Variants in MGMT observed in about 807,000 individuals in gnomAD.
MGMT encodes methylated-DNA--protein-cysteine methyltransferase.
Under a neutral mutation model 15.9 loss-of-function variants are expected in MGMT, and 14 were observed. The ratio of observed to expected loss-of-function variants is 0.88; its 90% CI spans 0.58 to 1.37. MGMT has a LOEUF of 1.37. Ranked by LOEUF, MGMT falls within the 40% of genes most tolerant of loss-of-function variation. The pLI is 0.00. For missense variants in MGMT, 282 were observed against 268.1 expected, an observed-to-expected ratio of 1.05 and a Z score of -0.36; for synonymous variants, 130 against 118.2, an observed-to-expected ratio of 1.10 and a Z score of -0.65.
Position 129,661,369 on chromosome 10 carries a change from C to T in MGMT, c.126-46526C>T, listed in dbSNP as rs534534566. On this transcript the variant is annotated intron_variant, in intron 2 of 4. Coordinates refer to ENST00000651593, the MANE Select transcript of MGMT (RefSeq NM_002412.5). ...GTTCACGGATGCAGCCCAGACCCCC[C>T]TCATAAGGCTGTACCAACTCATACT... Among the ~76,000 whole-genome samples, 17 of 152,260 alleles carry T rather than the reference C, an allele frequency of 1.1e-4. No homozygotes were observed. In the South Asian group the frequency reaches 1.7e-3, roughly 15 times the overall value.
chr10:129,588,537 C>G (rs141132531), intron 2 of MGMT, among the ~76,000 whole-genome samples: 1 of 152,138 alleles, frequency 6.6e-6, no homozygotes, highest in Non-Finnish European at 1.5e-5. Flanking sequence ...TCTTCCCACT[C>G]GCACGCATGC....
chr10:129,563,633 T>TA (rs1846305585), intron 2 of MGMT: 1 of 152,172 alleles, frequency 6.6e-6, no homozygotes, highest in Non-Finnish European at 1.5e-5. Context: ...ACCTTCCTGC[T>TA]AGGAGGCAAG....
intron 2 of MGMT, among the ~76,000 whole-genome samples, chr10:129,614,803 G>T (rs73386991): frequency 0.026 from 3,907 of 152,094 alleles, 106 homozygotes; most frequent in African/African-American, 0.07. Flanking sequence ...GGTGTTCAAT[G>T]CATTTAAATT....
chr10:129,620,904 C>CT (rs1232814019), intron 2 of MGMT, among the ~76,000 whole-genome samples: 1 of 151,918 alleles, frequency 6.6e-6, no homozygotes, highest in Admixed American at 6.6e-5. Flanking sequence ...GGATTGAATC[C>CT]TTTTTTGATT....
chr10:129,588,185 C>A (rs2133051929), intron 2 of MGMT, among the ~76,000 whole-genome samples: 1 of 152,288 alleles, frequency 6.6e-6, no homozygotes, highest in East Asian at 1.9e-4. Context: ...GAAATGAATT[C>A]TGTCAATACA....
At chr10:129,577,519 T>C (rs1453005423) in intron 2 of MGMT, among the ~76,000 whole-genome samples, 14 of 152,158 alleles carry the variant, frequency 9.2e-5, no homozygotes, top group Non-Finnish European at 2.1e-4. Flanking sequence ...TCCTTACACC[T>C]TATACAAAAA....
At chr10:129,620,336 T>C (rs1037800404) in intron 2 of MGMT, among the ~76,000 whole-genome samples, 2 of 152,244 alleles carry the variant, frequency 1.3e-5, no homozygotes, top group African/African-American at 4.8e-5. Flanking sequence ...CTTCTATAAA[T>C]GTACGTTGGG....
chr10:129,646,754 A>ATATATATATATATATTTTTTTT, intron 2 of MGMT, among the ~76,000 whole-genome samples: 1 of 86,676 alleles, frequency 1.2e-5, no homozygotes, highest in African/African-American at 3.9e-5. Flanking sequence ...ATATATATAT[A>ATATATATATATATATTTTTTTT]TTTTCAGGGA....
chr10:129,563,341 G>T (rs143096898), intron 2 of MGMT, among the ~76,000 whole-genome samples: 90 of 152,206 alleles, frequency 5.9e-4, no homozygotes, highest in Non-Finnish European at 1.0e-3. Context: ...GCCGGTCTGT[G>T]CCCTGGCTTA....
intron 2 of MGMT, among the ~76,000 whole-genome samples, chr10:129,704,322 A>T (rs903474761): frequency 3.3e-5 from 5 of 152,126 alleles, no homozygotes; most frequent in African/African-American, 1.2e-4. Flanking sequence ...CGGCAGGCCC[A>T]TTCTCTGCCT....
chr10:129,560,217 A>T (rs1846261131), intron 2 of MGMT, among the ~76,000 whole-genome samples: 1 of 152,236 alleles, frequency 6.6e-6, no homozygotes, highest in Non-Finnish European at 1.5e-5. Flanking sequence ...TTCTTATATA[A>T]AAACGAGGAT....
At chr10:129,513,522 CAG>C (rs1845706491) in intron 1 of MGMT, among the ~76,000 whole-genome samples, 1 of 152,106 alleles carries the variant, frequency 6.6e-6, no homozygotes, top group Non-Finnish European at 1.5e-5. Flanking sequence ...AGCAGCAGCT[CAG>C]AGCAGGAGGC....
intron 2 of MGMT, among the ~76,000 whole-genome samples, chr10:129,542,223 C>T (rs1243191916): frequency 6.6e-6 from 1 of 152,104 alleles, no homozygotes; most frequent in Non-Finnish European, 1.5e-5. Flanking sequence ...GGAACTCAGT[C>T]GACCCTCAGC....
intron 1 of MGMT, among the ~76,000 whole-genome samples, chr10:129,487,944 TACAC>T (rs1299161266): frequency 3.5e-5 from 5 of 143,150 alleles, no homozygotes; most frequent in African/African-American, 1.4e-4. Flanking sequence ...TGTATATATA[TACAC>T]ACACAAACAC....
rs1481112030 is a variant in MGMT at position 129,770,382 on chromosome 10, T to C, written c.*3385T>C. The stretch of plus-strand genomic sequence containing the variant: ...CTGGTCAGTGAGATTCTCGCAGCAA[T>C]GTGAGGCATCCTCCTCACAGAAATG... On this transcript the variant is annotated 3_prime_UTR_variant, in exon 5 of 5. Transcript: ENST00000651593. Among the ~76,000 whole-genome samples the C allele has an allele frequency of 6.6e-6, 1 of 152,222 alleles. No homozygotes were observed. The highest frequency in any genetic ancestry group is 1.5e-5 in the Non-Finnish European group (1 of 68,042).
At chr10:129,523,215 G>A (rs1375377972) in intron 1 of MGMT, among the ~76,000 whole-genome samples, 3 of 152,238 alleles carry the variant, frequency 2.0e-5, no homozygotes, top group East Asian at 1.9e-4. Flanking sequence ...GGGCCTCGGC[G>A]GGCACAGGCG....
chr10:129,467,595 C>T (rs2119603850), intron 1 of MGMT, among the ~76,000 whole-genome samples: 1 of 152,328 alleles, frequency 6.6e-6, no homozygotes, highest in African/African-American at 2.4e-5. Context: ...GCCCGGGCCC[C>T]GGGTTCTTCC....
At chr10:129,511,799 G>A (rs1286189950) in intron 1 of MGMT, among the ~76,000 whole-genome samples, 2 of 152,196 alleles carry the variant, frequency 1.3e-5, no homozygotes, top group Non-Finnish European at 2.9e-5. Context: ...GCCCCCCTAT[G>A]CAAAGTGGCG....
intron 3 of MGMT, among the ~76,000 whole-genome samples, chr10:129,737,825 A>G (rs1848581797): frequency 6.6e-6 from 1 of 152,196 alleles, no homozygotes; most frequent in Admixed American, 6.5e-5. Context: ...GTGAGGTGTC[A>G]GTCTGGCCCT....
Sources: allele counts gnomAD v4.1 joint callset (sites outside exome capture counted in the v4.1 genomes callset), GRCh38; gene constraint gnomAD v4.1.1; transcripts MANE v1.5; gene names NCBI Gene and HGNC (gene_info 2026-07-23, HGNC 2026-07-21).